TMCO4: variants seen among roughly 807,000 people sequenced by gnomAD.
The protein encoded by TMCO4 is transmembrane and coiled-coil domains 4.
Under a neutral mutation model 64.7 loss-of-function variants are expected in TMCO4, and 58 were observed. The observed-to-expected ratio is 0.90, with a 90% CI of 0.73 to 1.12. The LOEUF is 1.12. Among genes scored for constraint, TMCO4 ranks in the 50% most tolerant of loss-of-function variants. TMCO4 has a pLI of 0.00. For synonymous variants in TMCO4, 325 were observed against 346.1 expected (o/e 0.94, Z 0.68); for missense variants, 780 against 825.9 (o/e 0.94, Z 0.68).
chr1:19,741,648 C>A (rs2095479579), intron 10 of TMCO4, among the ~76,000 whole-genome samples: 1 of 152,136 alleles, frequency 6.6e-6, no homozygotes, highest in South Asian at 2.1e-4. Flanking sequence ...GCCCACCTGG[C>A]TGCCTTCAGT....
intron 12 of TMCO4, 105 bp downstream of exon 12, chr1:19,739,719 G>A: frequency 6.7e-7 from 1 of 1,499,374 alleles, no homozygotes; most frequent in Non-Finnish European, 8.9e-7. Flanking sequence ...AAACCATTGA[G>A]TTATCTCCAA....
rs998200949 is a variant in TMCO4, at chr1:19,700,974, T to TCA, written c.1265-91_1265-90dup. On this transcript the variant is annotated intron_variant, in intron 13 of 15. Transcript: ENST00000294543. ...CCAACAGCAGTGGAGGAGATGAATG[T>TCA]CACACACATACACATGCACACACGT... 1.4e-4 allele frequency: 137 copies of TCA among 1,002,930 alleles called. No homozygotes were observed. In the African/African-American group the frequency reaches 2.1e-3, roughly 15 times the overall value. The allele number at this position is 1,002,930 out of a possible 1,614,324, so 62.1% of individuals were successfully genotyped here.
intron 13 of TMCO4, among the ~76,000 whole-genome samples, chr1:19,707,183 C>T (rs1265344270): frequency 6.6e-6 from 1 of 152,172 alleles, no homozygotes. Context: ...GACGTTTGTC[C>T]CCTCCAGATT....
intron 13 of TMCO4, 79 bp downstream of exon 13, chr1:19,737,293 A>C (rs1359701335): frequency 7.6e-6 from 11 of 1,443,272 alleles, no homozygotes; most frequent in Non-Finnish European, 1.1e-5. Flanking sequence ...TGCAAGGCTC[A>C]TGGCCCCTGG....
intron 15 of TMCO4, among the ~76,000 whole-genome samples, chr1:19,684,563 C>T (rs2095131875): frequency 6.6e-6 from 1 of 152,190 alleles, no homozygotes; most frequent in Non-Finnish European, 1.5e-5. Context: ...AGGGTAGTTT[C>T]ACCAGAGGTT....
intron 4 of TMCO4, among the ~76,000 whole-genome samples, chr1:19,776,461 A>G (rs1181878418): frequency 1.3e-5 from 2 of 152,226 alleles, no homozygotes; most frequent in African/African-American, 4.8e-5. Flanking sequence ...CACACAGTCC[A>G]GATTCATAAA....
chr1:19,727,539 G>A (rs2095413780), intron 13 of TMCO4, among the ~76,000 whole-genome samples: 1 of 152,192 alleles, frequency 6.6e-6, no homozygotes, highest in Non-Finnish European at 1.5e-5. Flanking sequence ...TAACAAATAC[G>A]AGCTAGTGGA....
rs183305104 is a variant in TMCO4 at position 19,767,091 on chromosome 1, C to T, written c.382+3451G>A. 4.6e-5 allele frequency among the ~76,000 whole-genome samples: 7 copies of T among 152,322 alleles called. No individual in the cohort carries two copies. The East Asian group carries it at 1.2e-3, about 25-fold the overall frequency. Reference sequence around the variant, plus strand: ...TTTAGATATGAGGTATTATTATATTCCCATGGGGATGCTTCAATTCCCTAA... The same window carrying T: ...TTTAGATATGAGGTATTATTATATTTCCATGGGGATGCTTCAATTCCCTAA... On this transcript the variant is annotated intron_variant, in intron 6 of 15. Transcript: ENST00000294543.
chr1:19,715,305 A>G (rs1299952320), intron 13 of TMCO4, among the ~76,000 whole-genome samples: 1 of 152,182 alleles, frequency 6.6e-6, no homozygotes, highest in Non-Finnish European at 1.5e-5. Flanking sequence ...GTACAGTGGC[A>G]CAATCATAGC....
Position 19,682,366 on chromosome 1 carries a change from T to A in TMCO4, c.*674A>T. The A allele has an allele frequency of 2.1e-6, 1 of 470,968 alleles. No individual in the cohort carries two copies. Among genetic ancestry groups the A allele is most frequent in the Non-Finnish European group, 3.8e-6 (1 of 261,048 alleles). 29.2% of individuals were successfully genotyped at this position (470,968 alleles called of 1,614,324 possible). On this transcript the variant is annotated 3_prime_UTR_variant, in exon 16 of 16. Coordinates refer to ENST00000294543, the MANE Select transcript of TMCO4 (RefSeq NM_181719.7). ...GCCATACTGAATGCAATTCAGCATG[T>A]ATTCACCATGCTCTGTTAGTGGTGT...
At chr1:19,766,456 C>T (rs995311770) in intron 6 of TMCO4, among the ~76,000 whole-genome samples, 1 of 152,140 alleles carries the variant, frequency 6.6e-6, no homozygotes, top group South Asian at 2.1e-4. Context: ...AATTGGAGTT[C>T]AGAGAGGTTA....
chr1:19,692,798 T>C (rs2095206868), intron 15 of TMCO4, among the ~76,000 whole-genome samples: 1 of 151,576 alleles, frequency 6.6e-6, no homozygotes, highest in East Asian at 1.9e-4. Context: ...GAGCGGGACA[T>C]AGAGTGAGTG....
chr1:19,796,689 C>T (rs1170547542), intron 2 of TMCO4, among the ~76,000 whole-genome samples: 2 of 152,140 alleles, frequency 1.3e-5, no homozygotes, highest in Non-Finnish European at 2.9e-5. Flanking sequence ...ATTCTCCTGC[C>T]TCAGCTTCCT....
rs111335018 is a variant in TMCO4, at chr1:19,771,535, C to T, written c.180-53G>A. 2.2e-5 allele frequency: 34 copies of T among 1,577,952 alleles called. 1 individual carries two copies. The African/African-American group carries it at 2.8e-4, about 13-fold the overall frequency. ...CAGGATCCTCAGAGCTCAGCCTCCA[C>T]TGGGCAGTGTAGATTAGTTGTGGTC... On this transcript the variant is annotated intron_variant, in intron 4 of 15. Coordinates refer to ENST00000294543, the MANE Select transcript of TMCO4 (RefSeq NM_181719.7).
Position 19,734,418 on chromosome 1 carries a change from A to G in TMCO4, c.1264+2954T>C, listed in dbSNP as rs1280637244. 2.0e-5 allele frequency among the ~76,000 whole-genome samples: 3 copies of G among 151,942 alleles called. No homozygotes were observed. Among genetic ancestry groups the G allele is most frequent in the African/African-American group, 7.3e-5 (3 of 41,348 alleles). ...TGTGCATATGTGCGCATGTGTGTGA[A>G]CTGTAGGGTGCCCAGCACCAGTGCC... On this transcript the variant is annotated intron_variant, in intron 13 of 15. Coordinates refer to ENST00000294543, the MANE Select transcript of TMCO4 (RefSeq NM_181719.7). The surrounding 1 kb of genome is among the most constrained non-coding windows in gnomAD (Gnocchi z 4.4).
At chr1:19,770,497 GCAGATGGGTACCCAC>G (rs1399822790) in intron 6 of TMCO4, 30 bp downstream of exon 6, 1 of 1,611,396 alleles carries the variant, frequency 6.2e-7, no homozygotes, top group African/African-American at 1.3e-5. Flanking sequence ...AGCCAAGGGT[GCAGATGGGTACCCAC>G]CATTTACAGA....
chr1:19,731,395 C>T (rs1023353849), intron 13 of TMCO4, among the ~76,000 whole-genome samples: 2 of 152,196 alleles, frequency 1.3e-5, no homozygotes, highest in Non-Finnish European at 1.5e-5. Context: ...TGCATTATTG[C>T]CTATAACGTA....
chr1:19,682,759 A>G lies in TMCO4; in HGVS notation c.*281T>C. 1 of 718,764 alleles carries G rather than the reference A, an allele frequency of 1.4e-6. No homozygotes were observed. Among genetic ancestry groups the G allele is most frequent in the Admixed American group, 2.0e-5 (1 of 49,982 alleles). 44.5% of individuals were successfully genotyped at this position (718,764 alleles called of 1,614,324 possible). A position where few individuals can be genotyped will look rare whatever the true frequency, so the allele number is the denominator to read the frequency against. On this transcript the variant is annotated 3_prime_UTR_variant, in exon 16 of 16. Transcript: ENST00000294543. ...CCCACAGTTGGTTTCCGGTCCTGGG[A>G]CTCTAACCTGTGCTTGGTTGACTCT...
In TMCO4 at chr1:19,734,059, T is replaced by C. The variant is rs2095442132; in HGVS notation, c.1264+3313A>G. Among the ~76,000 whole-genome samples the C allele has an allele frequency of 6.6e-6, 1 of 152,246 alleles. No homozygotes were observed. The highest frequency in any genetic ancestry group is 2.4e-5 in the African/African-American group (1 of 41,464). On this transcript the variant is annotated intron_variant, in intron 13 of 15. Transcript: ENST00000294543. The surrounding 1 kb of genome is among the most constrained non-coding windows in gnomAD (Gnocchi z 4.4). ...GTGTGTGCTGTGTGGTTACTACTAC[T>C]ACTATTATCATCATTATTATTGGAG...
Sources: allele counts gnomAD v4.1 joint callset (sites outside exome capture counted in the v4.1 genomes callset), GRCh38; gene constraint gnomAD v4.1.1; non-coding constraint Gnocchi (gnomAD v3.1); transcripts MANE v1.5; gene names NCBI Gene and HGNC (gene_info 2026-07-23, HGNC 2026-07-21).